BARX2: variants seen among roughly 807,000 people sequenced by gnomAD.
BARX2 encodes the protein homeobox protein BarH-like 2.
A neutral mutation model predicts 25.5 loss-of-function variants in BARX2; 11 were observed. The observed-to-expected ratio is 0.43, with a 90% confidence interval of 0.27 to 0.71. The LOEUF (loss-of-function observed/expected upper bound fraction) is 0.71. Ranked by LOEUF, BARX2 falls within the 30% of genes least tolerant of loss-of-function variation. The probability of loss-of-function intolerance (pLI) is 0.19; values close to 1 mark genes in which losing one functional copy is unlikely to be tolerated. For missense variants in BARX2, 360 were observed against 359.9 expected (o/e 1.00, Z 0.00); for synonymous variants, 137 against 149.5 (o/e 0.92, Z 0.61).
chr11:129,442,754 TCTGGAGCCTGC>T (rs776562115), intron 2 of BARX2, 70 bp from the exon 3 acceptor site: 104 of 1,254,192 alleles, frequency 8.3e-5, no homozygotes, highest in Middle Eastern at 1.9e-4. Context: ...CTGGAGCCTG[TCTGGAGCCTGC>T]CAGCAGGATC....
intron 1 of BARX2, among the ~76,000 whole-genome samples, chr11:129,434,970 T>C (rs1862172753): frequency 6.6e-6 from 1 of 152,246 alleles, no homozygotes; most frequent in South Asian, 2.1e-4. Context: ...TTTCCTATAA[T>C]GATAAGCTTC....
At chr11:129,380,457 G>A (rs115776058) in intron 1 of BARX2, among the ~76,000 whole-genome samples, 1,685 of 152,210 alleles carry the variant, frequency 0.011, 35 homozygotes, top group African/African-American at 0.039. Flanking sequence ...GTTAGCTCTG[G>A]TGACTCTCCA....
At chr11:129,428,462 A>G (rs1372703003) in intron 1 of BARX2, among the ~76,000 whole-genome samples, 1 of 152,236 alleles carries the variant, frequency 6.6e-6, no homozygotes, top group African/African-American at 2.4e-5. Flanking sequence ...ATACAGATTT[A>G]TGGTGGGATT....
At chr11:129,396,590 A>G (rs1007957397) in intron 1 of BARX2, among the ~76,000 whole-genome samples, 3 of 151,864 alleles carry the variant, frequency 2.0e-5, no homozygotes, top group African/African-American at 7.3e-5. Flanking sequence ...ATAATGGTTC[A>G]TTTCAAGTTA....
chr11:129,412,234 T>C (rs1484974145), intron 1 of BARX2, among the ~76,000 whole-genome samples: 1 of 150,852 alleles, frequency 6.6e-6, no homozygotes, highest in Non-Finnish European at 1.5e-5. Context: ...ATCGCGTCAC[T>C]GCACTCCAGC....
At chr11:129,442,721 GGTCCGAGCCTTGGTAGCC>G in intron 2 of BARX2, 96 bp from the exon 3 acceptor site, 1 of 891,852 alleles carries the variant, frequency 1.1e-6, no homozygotes, top group South Asian at 1.3e-5. Flanking sequence ...TAATGGGGGA[GGTCCGAGCCTTGGTAGCC>G]AGTGCTGGAG....
At chr11:129,377,058 A>T (rs1861511817) in intron 1 of BARX2, among the ~76,000 whole-genome samples, 1 of 152,280 alleles carries the variant, frequency 6.6e-6, no homozygotes, top group Non-Finnish European at 1.5e-5. Context: ...GATTTAGGTT[A>T]TGGAACATGG....
intron 1 of BARX2, among the ~76,000 whole-genome samples, chr11:129,392,585 G>C (rs1218123008): frequency 3.3e-5 from 5 of 152,116 alleles, no homozygotes; most frequent in Non-Finnish European, 5.9e-5. Context: ...TGCTCTGAAT[G>C]CTCTTATATG....
At position 129,402,684 on chromosome 11, in the gene BARX2, G is replaced by T. The variant is rs144241416; in HGVS notation, c.187+26462G>T. On this transcript the variant is annotated intron_variant, in intron 1 of 3. Transcript: ENST00000281437. ...TGTAAATACTGGGGAGACTTCAGTG[G>T]TCAGAGGATTAACTGGTTGGTTAAC... Among the ~76,000 whole-genome samples the T allele has an allele frequency of 7.3e-3, 1,105 of 152,292 alleles. 14 individuals carry two copies. The highest frequency in any genetic ancestry group is 0.025 in the African/African-American group (1,054 of 41,558).
intron 1 of BARX2, among the ~76,000 whole-genome samples, chr11:129,401,199 G>T (rs758506359): frequency 6.6e-6 from 1 of 152,178 alleles, no homozygotes; most frequent in African/African-American, 2.4e-5. Context: ...GAAATGAGAC[G>T]GTGGAAATAA....
At chr11:129,421,871 T>C (rs756862255) in intron 1 of BARX2, among the ~76,000 whole-genome samples, 1 of 152,218 alleles carries the variant, frequency 6.6e-6, no homozygotes, top group African/African-American at 2.4e-5. Flanking sequence ...CAGTTATAAT[T>C]TGGCAAATTT....
chr11:129,384,725 C>T (rs1370986077), intron 1 of BARX2, among the ~76,000 whole-genome samples: 1 of 152,140 alleles, frequency 6.6e-6, no homozygotes, highest in Admixed American at 6.5e-5. Flanking sequence ...AGTACTTATC[C>T]AAGGGGAGCC....
intron 1 of BARX2, among the ~76,000 whole-genome samples, chr11:129,389,843 A>G (rs1346754256): frequency 6.6e-6 from 1 of 152,274 alleles, no homozygotes; most frequent in Admixed American, 6.5e-5. Context: ...CAGTATGACA[A>G]CTAATCACTT....
chr11:129,436,840 A>G lies in BARX2; in HGVS notation c.277A>G (p.Ile93Val). 1.9e-6 allele frequency: 3 copies of G among 1,613,838 alleles called. No homozygotes were observed. Among genetic ancestry groups the G allele is most frequent in the African/African-American group, 2.7e-5 (2 of 75,006 alleles). Reference sequence around the variant, plus strand: ...CCACCTGGTCCCTGCCACCCCGGGAATCGCCCAGGCACTGTCCTGCCACCA... The same window carrying G: ...CCACCTGGTCCCTGCCACCCCGGGAGTCGCCCAGGCACTGTCCTGCCACCA... ...ISHLVPATPG[I>V]AQALSCHQVT... The change falls in exon 2 of 4, where the codon ATC (isoleucine) becomes GTC (valine). Residue 93 changes from isoleucine to valine, a missense_variant. By Grantham distance (29) the Ile-to-Val change is conservative (BLOSUM62 3). Around this residue, in one of 3 missense-constraint regions of BARX2, gnomAD observed 240 missense variants for 228.7 expected, o/e 1.05. Coordinates refer to ENST00000281437, the MANE Select transcript of BARX2 (RefSeq NM_003658.5). The surrounding 1 kb of genome is among the most constrained non-coding windows in gnomAD (Gnocchi z 4.5).
chr11:129,433,612 C>T (rs1043682131), intron 1 of BARX2, among the ~76,000 whole-genome samples: 7 of 152,138 alleles, frequency 4.6e-5, no homozygotes, highest in African/African-American at 1.7e-4. Flanking sequence ...CATGCTCATT[C>T]GGCCTTTAGG....
At chr11:129,432,900 G>A (rs538858465) in intron 1 of BARX2, among the ~76,000 whole-genome samples, 17 of 152,220 alleles carry the variant, frequency 1.1e-4, no homozygotes, top group Middle Eastern at 3.4e-3. Context: ...GTCTTTGGCC[G>A]GCTCGTCTTC....
At chr11:129,400,838 A>G (rs1424912680) in intron 1 of BARX2, among the ~76,000 whole-genome samples, 1 of 152,238 alleles carries the variant, frequency 6.6e-6, no homozygotes, top group Non-Finnish European at 1.5e-5. Flanking sequence ...TATAATGGGC[A>G]GGAGAAAATT....
At chr11:129,380,764 A>C (rs1439067494) in intron 1 of BARX2, among the ~76,000 whole-genome samples, 2 of 151,642 alleles carry the variant, frequency 1.3e-5, no homozygotes, top group African/African-American at 2.4e-5. Context: ...CTTAACTGTT[A>C]TCTCACTACT....
chr11:129,384,201 C>T (rs759604222), intron 1 of BARX2, among the ~76,000 whole-genome samples: 1 of 151,900 alleles, frequency 6.6e-6, no homozygotes, highest in Non-Finnish European at 1.5e-5. Flanking sequence ...GGATTGGCTG[C>T]TGCCTAGGTG....
Sources: gnomAD v4.1 joint callset for allele counts (sites outside exome capture counted in the v4.1 genomes callset) on GRCh38, gnomAD v4.1.1 for gene constraint, gnomAD v4.1.1 regional missense constraint, Gnocchi (gnomAD v3.1) non-coding constraint, MANE v1.5 for transcripts, NCBI Gene and HGNC (gene_info 2026-07-23, HGNC 2026-07-21) for gene names.